The following GRIK1 variants were observed in gnomAD, a reference collection of about 807,000 sequenced individuals.
GRIK1 encodes glutamate ionotropic receptor kainate type subunit 1.
GRIK1 carries 69 observed loss-of-function variants against 105.7 expected under a neutral mutation model. The ratio of observed to expected loss-of-function variants is 0.65; its 90% CI spans 0.54 to 0.80. GRIK1 has a LOEUF of 0.80. Among genes scored for constraint, GRIK1 ranks in the 30% least tolerant of loss-of-function variants. GRIK1 has a pLI of 0.00. For synonymous variants in GRIK1, 438 were observed against 431.3 expected, an observed-to-expected ratio of 1.02 and a Z score of -0.19; for missense variants, 1,109 against 1,167.3, an observed-to-expected ratio of 0.95 and a Z score of 0.73.
In GRIK1 at chr21:29,587,543, T is replaced by C. The variant is rs140483981; in HGVS notation, c.1616A>G (p.Glu539Gly). 2 of 1,613,772 alleles carry C rather than the reference T, an allele frequency of 1.2e-6. No individual in the cohort carries two copies. Among genetic ancestry groups the C allele is most frequent in the Non-Finnish European group, 1.7e-6 (2 of 1,179,722 alleles). The part of the protein sequence containing the change: ...VAPLTITYVR[E>G]KVIDFSKPFM... ...GGGTTTGGAGAAGTCAATGACTTTC[T>C]CCCGCACGTAGGTGATGGTAAGAGG... The change falls in exon 12 of 18, where the codon GAG becomes GGG. Residue 539 changes from glutamate (E) to glycine (G), a missense_variant. Around this residue, in one of 5 missense-constraint regions of GRIK1, gnomAD observed 54 missense variants for 88.1 expected, o/e 0.61. Coordinates refer to ENST00000327783, the MANE Select transcript of GRIK1 (RefSeq NM_001330994.2).
At chr21:29,664,756 T>C (rs2063027979) in intron 4 of GRIK1, among the ~76,000 whole-genome samples, 1 of 152,168 alleles carries the variant, frequency 6.6e-6, no homozygotes, top group Non-Finnish European at 1.5e-5. Flanking sequence ...AGATCTTGCA[T>C]TTATGAAGTA....
intron 3 of GRIK1, 26 bp downstream of exon 3, chr21:29,689,702 G>T (rs2063548887): frequency 6.2e-7 from 1 of 1,607,880 alleles, no homozygotes. Flanking sequence ...GACATGGTCG[G>T]GTGAGGTCTT....
intron 15 of GRIK1, 63 bp downstream of exon 15, chr21:29,561,561 T>G: frequency 9.3e-7 from 1 of 1,080,582 alleles, no homozygotes; most frequent in Non-Finnish European, 1.4e-6. Context: ...CTGAGCCCAT[T>G]GCCTTCTATA....
intron 15 of GRIK1, among the ~76,000 whole-genome samples, chr21:29,560,308 TTTCTTTC>T (rs1203665284): frequency 1.7e-5 from 2 of 114,456 alleles, no homozygotes; most frequent in African/African-American, 3.8e-5. Context: ...TCTTTCTTTC[TTTCTTTC>T]TTTCTTTCTT....
chr21:29,546,184 C>G (rs2090047415), intron 16 of GRIK1, among the ~76,000 whole-genome samples: 1 of 152,212 alleles, frequency 6.6e-6, no homozygotes. Context: ...GTCTTTCCCG[C>G]TCTAACCTCA....
At chr21:29,796,775 C>G (rs1397964610) in intron 1 of GRIK1, among the ~76,000 whole-genome samples, 3 of 152,048 alleles carry the variant, frequency 2.0e-5, no homozygotes, top group Middle Eastern at 3.4e-3. Flanking sequence ...ATGGTGAAAC[C>G]CCATCTCTAC....
At chr21:29,586,712 C>A (rs2091137713) in intron 12 of GRIK1, among the ~76,000 whole-genome samples, 1 of 152,072 alleles carries the variant, frequency 6.6e-6, no homozygotes, top group Non-Finnish European at 1.5e-5. Context: ...CTGTGTAGAG[C>A]AAAATGGTTA....
intron 1 of GRIK1, among the ~76,000 whole-genome samples, chr21:29,787,751 T>A (rs1331192597): frequency 6.6e-6 from 1 of 152,236 alleles, no homozygotes; most frequent in Non-Finnish European, 1.5e-5. Context: ...TCCAGTGTGA[T>A]GCAACAGACA....
chr21:29,798,084 A>G (rs2066606550), intron 1 of GRIK1, among the ~76,000 whole-genome samples: 1 of 152,230 alleles, frequency 6.6e-6, no homozygotes, highest in Non-Finnish European at 1.5e-5. Context: ...ACTCAACATG[A>G]TGAGTCCTGA....
At chr21:29,592,522 C>T (rs1441724062) in intron 9 of GRIK1, among the ~76,000 whole-genome samples, 1 of 152,194 alleles carries the variant, frequency 6.6e-6, no homozygotes, top group East Asian at 1.9e-4. Context: ...GCCTATCTTT[C>T]TGTAGGCATT....
chr21:29,857,836 G>A (rs1193163290), intron 1 of GRIK1, among the ~76,000 whole-genome samples: 1 of 152,098 alleles, frequency 6.6e-6, no homozygotes, highest in African/African-American at 2.4e-5. Context: ...ACCACCTTCA[G>A]CTCGAACATC....
chr21:29,653,321 A>G (rs1373316275), intron 5 of GRIK1, among the ~76,000 whole-genome samples: 1 of 152,216 alleles, frequency 6.6e-6, no homozygotes, highest in African/African-American at 2.4e-5. Context: ...CATACATTAA[A>G]CATGTGCAAA....
In GRIK1 at chr21:29,680,363, C is replaced by A. The variant is rs143315782; in HGVS notation, c.545-7199G>T. On this transcript the variant is annotated intron_variant, in intron 3 of 17. Transcript: ENST00000327783. ...AATATCCTCTCAGATATTATGCCAG[C>A]TCTACATTAAAAATGTTTCCAGAAC... Among the ~76,000 whole-genome samples, 563 of 152,286 alleles carry A rather than the reference C, an allele frequency of 3.7e-3. 4 individuals carry two copies. Among genetic ancestry groups the A allele is most frequent in the African/African-American group, 0.013 (538 of 41,536 alleles).
intron 1 of GRIK1, among the ~76,000 whole-genome samples, chr21:29,731,115 G>T (rs976731306): frequency 2.6e-5 from 4 of 152,186 alleles, no homozygotes; most frequent in African/African-American, 9.7e-5. Flanking sequence ...ATGCCTGATG[G>T]TTTCCCATCA....
intron 1 of GRIK1, among the ~76,000 whole-genome samples, chr21:29,796,267 C>T (rs2066552777): frequency 6.6e-6 from 1 of 151,970 alleles, no homozygotes; most frequent in Admixed American, 6.6e-5. Context: ...TCATTCTATC[C>T]CCAAGGCTGA....
At chr21:29,556,145 C>G (rs1601098164) in intron 15 of GRIK1, among the ~76,000 whole-genome samples, 1 of 152,136 alleles carries the variant, frequency 6.6e-6, no homozygotes, top group Non-Finnish European at 1.5e-5. Flanking sequence ...ATTATAAAAC[C>G]ATTAAATGTT....
chr21:29,688,706 T>C (rs2063530432), intron 3 of GRIK1, among the ~76,000 whole-genome samples: 1 of 152,190 alleles, frequency 6.6e-6, no homozygotes, highest in Non-Finnish European at 1.5e-5. Flanking sequence ...TGGGATTCAG[T>C]GCTTTTGCTT....
intron 8 of GRIK1, among the ~76,000 whole-genome samples, chr21:29,598,348 A>C (rs1432487391): frequency 6.6e-6 from 1 of 152,214 alleles, no homozygotes; most frequent in East Asian, 1.9e-4. Context: ...TAAGAATGCA[A>C]AGTTAATTTG....
intron 1 of GRIK1, among the ~76,000 whole-genome samples, chr21:29,775,194 G>A: frequency 6.8e-6 from 1 of 147,830 alleles, no homozygotes; most frequent in Non-Finnish European, 1.5e-5. Context: ...TGTAATCCCA[G>A]CTACTCAGGA....
Sources: gnomAD v4.1 joint callset for allele counts (sites outside exome capture counted in the v4.1 genomes callset) on GRCh38, gnomAD v4.1.1 for gene constraint, gnomAD v4.1.1 regional missense constraint, MANE v1.5 for transcripts, NCBI Gene and HGNC (gene_info 2026-07-23, HGNC 2026-07-21) for gene names.